Variants in HPSE2 observed in about 807,000 individuals in gnomAD.
HPSE2 encodes inactive heparanase-2.
In HPSE2, 38 loss-of-function variants were observed where a neutral mutation model predicts 60.5. The ratio of observed to expected loss-of-function variants is 0.63; its 90% confidence interval spans 0.48 to 0.82. HPSE2 has a LOEUF of 0.82. HPSE2 is among the 40% of genes least tolerant of loss of function. HPSE2 has a pLI of 0.00. For synonymous variants in HPSE2, 295 were observed against 293.2 expected, an observed-to-expected ratio of 1.01 and a Z score of -0.06; for missense variants, 713 against 740.4, an observed-to-expected ratio of 0.96 and a Z score of 0.43.
chr10:98,798,068 A>G (rs1169008192), intron 3 of HPSE2, among the ~76,000 whole-genome samples: 1 of 152,198 alleles, frequency 6.6e-6, no homozygotes, highest in Non-Finnish European at 1.5e-5. Context: ...GGACCCTAAA[A>G]GCAGCAAGAG....
chr10:98,511,417 G>A (rs867145647), intron 9 of HPSE2, among the ~76,000 whole-genome samples: 3 of 151,934 alleles, frequency 2.0e-5, no homozygotes, highest in Non-Finnish European at 4.4e-5. Context: ...CCCAAAGTGC[G>A]GGGATTACAG....
intron 4 of HPSE2, among the ~76,000 whole-genome samples, chr10:98,738,139 G>A (rs1431025924): frequency 2.6e-5 from 4 of 152,086 alleles, no homozygotes; most frequent in Non-Finnish European, 5.9e-5. Flanking sequence ...CAGATATATA[G>A]ACCAATGGAA....
At chr10:98,987,360 G>A (rs891475797) in intron 3 of HPSE2, among the ~76,000 whole-genome samples, 26 of 152,062 alleles carry the variant, frequency 1.7e-4, no homozygotes, top group Admixed American at 9.8e-4. Context: ...ATCAATAAAC[G>A]TAATCCAGCA....
At chr10:98,903,823 A>AT (rs1382592895) in intron 3 of HPSE2, among the ~76,000 whole-genome samples, 1 of 152,170 alleles carries the variant, frequency 6.6e-6, no homozygotes, top group Admixed American at 6.5e-5. Flanking sequence ...AGACAGATGT[A>AT]TAAACACACA....
chr10:98,613,917 C>A (rs182785373), intron 9 of HPSE2, among the ~76,000 whole-genome samples: 8 of 152,316 alleles, frequency 5.3e-5, no homozygotes, highest in Non-Finnish European at 1.2e-4. Flanking sequence ...ATAAGCGTAG[C>A]TTTTCTGGTC....
At chr10:99,212,739 G>A (rs1380411192) in intron 2 of HPSE2, among the ~76,000 whole-genome samples, 2 of 152,094 alleles carry the variant, frequency 1.3e-5, no homozygotes, top group African/African-American at 4.8e-5. Flanking sequence ...ACTACGGTTA[G>A]TAACAATATT....
the HPSE2 span, among the ~76,000 whole-genome samples, chr10:99,286,022 C>G: frequency 6.6e-6 from 1 of 152,282 alleles, no homozygotes; most frequent in South Asian, 2.1e-4. Flanking sequence ...CAATGAGACA[C>G]CACTTCACAT....
chr10:98,732,884 G>T (rs11189790), intron 4 of HPSE2, among the ~76,000 whole-genome samples: 1 of 151,894 alleles, frequency 6.6e-6, no homozygotes, highest in African/African-American at 2.4e-5. Flanking sequence ...AAAAAAATAC[G>T]TGTATCCAGA....
intron 3 of HPSE2, among the ~76,000 whole-genome samples, chr10:98,923,618 A>G (rs1274412825): frequency 6.6e-6 from 1 of 151,302 alleles, no homozygotes; most frequent in Non-Finnish European, 1.5e-5. Flanking sequence ...CTGACTGTGT[A>G]TTTTCAAATA....
chr10:98,949,194 A>G (rs1273637443), intron 3 of HPSE2, among the ~76,000 whole-genome samples: 2 of 152,110 alleles, frequency 1.3e-5, no homozygotes, highest in African/African-American at 4.8e-5. Flanking sequence ...GTTTCTAACA[A>G]TAATCCTTTA....
intron 6 of HPSE2, among the ~76,000 whole-genome samples, chr10:98,684,327 G>A (rs1947857632): frequency 6.6e-6 from 1 of 152,164 alleles, no homozygotes; most frequent in Non-Finnish European, 1.5e-5. Flanking sequence ...ATGGTTACCT[G>A]AGGTGTCTGC....
chr10:99,173,143 T>C (rs1847382743), intron 2 of HPSE2, among the ~76,000 whole-genome samples: 1 of 152,128 alleles, frequency 6.6e-6, no homozygotes, highest in Non-Finnish European at 1.5e-5. Context: ...CCCTTGTGGT[T>C]TGAGCTTTAT....
In HPSE2 at chr10:98,459,756, C is replaced by G. The variant is rs575222538; in HGVS notation, c.1614-17G>C. On this transcript the variant is annotated splice_polypyrimidine_tract_variant and intron_variant, in intron 11 of 11. Coordinates refer to ENST00000370552, the MANE Select transcript of HPSE2 (RefSeq NM_021828.5). ...TGCACTGACCTACAGTGAGGAAAAA[C>G]AGTATGGGACTCATTATTGCATTAT... 3 of 1,608,768 alleles carry G rather than the reference C, an allele frequency of 1.9e-6. No individual in the cohort carries two copies. The African/African-American group carries it at 4.0e-5, about 21-fold the overall frequency.
At chr10:99,088,383 C>G (rs1564796702) in intron 3 of HPSE2, among the ~76,000 whole-genome samples, 2 of 152,056 alleles carry the variant, frequency 1.3e-5, no homozygotes, top group Non-Finnish European at 2.9e-5. Context: ...CCCTGAGTCC[C>G]CAAAGTCCAT....
intron 3 of HPSE2, among the ~76,000 whole-genome samples, chr10:98,936,978 C>CA (rs1214450704): frequency 0.23 from 7,010 of 30,878 alleles, 1,334 homozygotes; most frequent in African/African-American, 0.33. Flanking sequence ...GACTCCATCT[C>CA]AAAAAAAAAA....
chr10:98,552,671 C>T (rs984796419), intron 9 of HPSE2, among the ~76,000 whole-genome samples: 3 of 152,172 alleles, frequency 2.0e-5, no homozygotes, highest in Non-Finnish European at 4.4e-5. Context: ...TTTCACATCT[C>T]TGGAAAAGGA....
the HPSE2 span, among the ~76,000 whole-genome samples, chr10:99,305,954 C>T: frequency 2.4e-5 from 1 of 41,568 alleles, no homozygotes; most frequent in Non-Finnish European, 5.1e-5. Flanking sequence ...TATCCAAACT[C>T]ACACACACGC....
intron 3 of HPSE2, among the ~76,000 whole-genome samples, chr10:99,022,389 G>C (rs1957282713): frequency 6.6e-6 from 1 of 152,128 alleles, no homozygotes; most frequent in African/African-American, 2.4e-5. Flanking sequence ...AGCACTCTGT[G>C]TCTCCAAATA....
At chr10:98,471,694 G>C (rs555385815) in intron 11 of HPSE2, among the ~76,000 whole-genome samples, 1 of 152,036 alleles carries the variant, frequency 6.6e-6, no homozygotes, top group African/African-American at 2.4e-5. Flanking sequence ...TATGCTCCTC[G>C]GTGTGTACCA....
Sources: allele counts gnomAD v4.1 joint callset (sites outside exome capture counted in the v4.1 genomes callset), GRCh38; gene constraint gnomAD v4.1.1; transcripts MANE v1.5; gene names NCBI Gene and HGNC (gene_info 2026-07-23, HGNC 2026-07-21).